The following CDR2L variants were observed in gnomAD, a reference collection of about 807,000 sequenced individuals.
CDR2L encodes cerebellar degeneration related protein 2 like.
A neutral mutation model predicts 36.1 loss-of-function variants in CDR2L; 19 were observed. The observed-to-expected ratio is 0.53, with a 90% confidence interval of 0.37 to 0.77. The LOEUF is 0.77. Among genes scored for constraint, CDR2L ranks in the 30% least tolerant of loss-of-function variants. The pLI is 0.00. For synonymous variants in CDR2L, 285 were observed against 280.4 expected (o/e 1.02, Z -0.16); for missense variants, 575 against 627.2 (o/e 0.92, Z 0.89).
chr17:75,003,200 G>A lies in CDR2L; in HGVS notation c.524G>A (p.Arg175His), dbSNP rs763657686. The change falls in exon 5 of 5, where the codon CGC becomes CAC. Residue 175 changes from arginine to histidine, a missense_variant. Coordinates refer to ENST00000337231, the MANE Select transcript of CDR2L (RefSeq NM_014603.3). ...CCCGCCAGGTGCAAGGATGCTTTCC[G>A]CCTACACAGTTCCTCCCTGGAGCTG... Reference protein sequence around the residue: ...CTSPRCKDAFRLHSSSLELGP... With the variant: ...CTSPRCKDAFHLHSSSLELGP... 1.8e-5 allele frequency: 28 copies of A among 1,564,496 alleles called. No individual in the cohort carries two copies. The highest frequency in any genetic ancestry group is 2.4e-5 in the East Asian group (1 of 41,804).
chr17:74,998,048 G>A (rs891994909), intron 1 of CDR2L, among the ~76,000 whole-genome samples: 3 of 151,864 alleles, frequency 2.0e-5, no homozygotes, highest in East Asian at 1.9e-4. Context: ...GTGAAACCCC[G>A]TCTCTACTAA....
rs2039822897 is a variant in CDR2L at position 74,995,988 on chromosome 17, A to AATCTTTTT, written c.80-3515_80-3508dup. On this transcript the variant is annotated intron_variant, in intron 1 of 4. Transcript: ENST00000337231. Reference sequence around the variant, plus strand: ...CTCCGTCTCTGGATTAAGCTGCCTAAATCTTTTTTTTTTTTGACAGATTTA... The same window carrying AATCTTTTT: ...CTCCGTCTCTGGATTAAGCTGCCTAAATCTTTTTATCTTTTTTTTTTTTGACAGATTTA... Among the ~76,000 whole-genome samples, 5 of 151,518 alleles carry AATCTTTTT rather than the reference A, an allele frequency of 3.3e-5. 1 individual carries two copies. The highest frequency in any genetic ancestry group is 1.2e-4 in the African/African-American group (5 of 40,864).
In CDR2L at chr17:75,003,758, A is replaced by G; in HGVS notation, c.1082A>G (p.His361Arg). 1 of 1,501,516 alleles carries G rather than the reference A, an allele frequency of 6.7e-7. No individual in the cohort carries two copies. Among genetic ancestry groups the G allele is most frequent in the Non-Finnish European group, 8.9e-7 (1 of 1,122,334 alleles). 93.0% of individuals were successfully genotyped at this position (1,501,516 alleles called of 1,614,324 possible). Reference protein sequence around the residue: ...SILREVDEQYHALLEKYEELL... With the variant: ...SILREVDEQYRALLEKYEELL... ...CTGCGGGAGGTGGACGAGCAGTACC[A>G]CGCGCTGCTGGAGAAGTACGAGGAG... The change falls in exon 5 of 5, where the codon CAC becomes CGC. Residue 361 changes from histidine to arginine, a missense_variant. Physicochemically the swap from His to Arg is conservative, Grantham distance 29 (BLOSUM62 0). Coordinates refer to ENST00000337231, the MANE Select transcript of CDR2L (RefSeq NM_014603.3).
Position 75,003,886 on chromosome 17 carries a change from G to T in CDR2L, c.1210G>T (p.Gly404Cys). ...CAGCTCGTGGAGGGACCTGCGCGGG[G>T]GTGAGGAGGGCCAGGGTGAGGTCAA... The part of the protein sequence containing the change: ...RDSSWRDLRG[G>C]EEGQGEVKAG... Residue 404 changes from glycine to cysteine, a missense_variant, in exon 5 of 5, where the codon GGT (glycine) becomes TGT (cysteine). Coordinates refer to ENST00000337231, the MANE Select transcript of CDR2L (RefSeq NM_014603.3). The T allele has an allele frequency of 1.2e-6, 2 of 1,605,236 alleles. No individual in the cohort carries two copies. Among genetic ancestry groups the T allele is most frequent in the East Asian group, 2.2e-5 (1 of 44,478 alleles).
At chr17:74,996,456 A>AAG (rs2039826456) in intron 1 of CDR2L, among the ~76,000 whole-genome samples, 1 of 151,146 alleles carries the variant, frequency 6.6e-6, no homozygotes, top group African/African-American at 2.4e-5. Flanking sequence ...AAAAAAAAAA[A>AAG]AAAGAAACAA....
chr17:74,992,493 G>C (rs1158509440), intron 1 of CDR2L, among the ~76,000 whole-genome samples: 1 of 151,752 alleles, frequency 6.6e-6, no homozygotes, highest in African/African-American at 2.4e-5. Flanking sequence ...TGTCTAGCCA[G>C]CTCCCCCATT....
At chr17:74,994,741 G>A (rs2039815113) in intron 1 of CDR2L, among the ~76,000 whole-genome samples, 1 of 151,792 alleles carries the variant, frequency 6.6e-6, no homozygotes, top group African/African-American at 2.4e-5. Context: ...TAGTAGCTGC[G>A]ACCACAGACA....
At chr17:74,993,166 A>G (rs1378955483) in intron 1 of CDR2L, among the ~76,000 whole-genome samples, 5 of 152,200 alleles carry the variant, frequency 3.3e-5, no homozygotes, top group East Asian at 1.9e-4. Flanking sequence ...GAGTCCCACT[A>G]TGGAAAACAG....
At chr17:74,992,054 C>G (rs1189817412) in intron 1 of CDR2L, among the ~76,000 whole-genome samples, 2 of 152,178 alleles carry the variant, frequency 1.3e-5, no homozygotes, top group Non-Finnish European at 2.9e-5. Flanking sequence ...GAGAACAGGA[C>G]CTCACAGCCC....
chr17:75,004,185 C>G lies in CDR2L; in HGVS notation c.*111C>G, dbSNP rs939245460. ...CCTTTAGCGGCCTGCCACCACAGCACGCGGCCTCCTGATCCGGAAGCACGC... is the reference window on the plus strand; with the variant it reads ...CCTTTAGCGGCCTGCCACCACAGCAGGCGGCCTCCTGATCCGGAAGCACGC... On this transcript the variant is annotated 3_prime_UTR_variant, in exon 5 of 5. Transcript: ENST00000337231. The G allele has an allele frequency of 1.1e-5, 10 of 917,566 alleles. No homozygotes were observed. The highest frequency in any genetic ancestry group is 2.3e-4 in the Middle Eastern group (1 of 4,418). The allele number at this position is 917,566 out of a possible 1,614,324, so 56.8% of individuals were successfully genotyped here.
Position 75,003,333 on chromosome 17 carries a change from G to T in CDR2L, c.657G>T (p.Glu219Asp). The T allele has an allele frequency of 6.4e-7, 1 of 1,555,548 alleles. No individual in the cohort carries two copies. The highest frequency in any genetic ancestry group is 2.4e-5 in the East Asian group (1 of 41,246). The part of the protein sequence containing the change: ...ERQRKERAER[E>D]YTAVLQEYSE... Reference sequence around the variant, plus strand: ...AGCGCAAGGAGCGGGCGGAGCGCGAGTACACCGCGGTGCTGCAGGAGTACT... The same window carrying T: ...AGCGCAAGGAGCGGGCGGAGCGCGATTACACCGCGGTGCTGCAGGAGTACT... The change falls in exon 5 of 5, where the codon GAG becomes GAT. Residue 219 changes from glutamate (E) to aspartate (D), a missense_variant. By Grantham distance (45) the Glu-to-Asp change is conservative. Coordinates refer to ENST00000337231, the MANE Select transcript of CDR2L (RefSeq NM_014603.3).
intron 2 of CDR2L, among the ~76,000 whole-genome samples, chr17:75,001,124 C>T (rs1598657141): frequency 6.6e-6 from 1 of 151,722 alleles, no homozygotes; most frequent in African/African-American, 2.4e-5. Flanking sequence ...GTTCCAGCTA[C>T]TCAGGAGGCT....
In CDR2L at chr17:75,003,304, C is replaced by T. The variant is rs774220763; in HGVS notation, c.628C>T (p.Arg210Trp). ...GALRSQVSQE[R>W]QRKERAEREY... ...GCTGCGCTCCCAGGTGAGCCAGGAG[C>T]GGCAGCGCAAGGAGCGGGCGGAGCG... Residue 210 changes from arginine to tryptophan, a missense_variant, in exon 5 of 5, where the codon CGG (arginine) becomes TGG (tryptophan). Arg to Trp is a moderately radical substitution (Grantham distance 101). Coordinates refer to ENST00000337231, the MANE Select transcript of CDR2L (RefSeq NM_014603.3). 4 of 1,555,736 alleles carry T rather than the reference C, an allele frequency of 2.6e-6. No individual in the cohort carries two copies. The highest frequency in any genetic ancestry group is 3.5e-6 in the Non-Finnish European group (4 of 1,150,710).
chr17:75,002,105 A>T lies in CDR2L; in HGVS notation c.383A>T (p.Glu128Val). The part of the protein sequence containing the change: ...TIERLQAQVE[E>V]LQAQVEQLRG... ...GAGCGCCTCCAGGCTCAGGTGGAGG[A>T]GCTGCAGGCCCAGGTGGAGCAACTG... The change falls in exon 4 of 5, where the codon GAG becomes GTG. Residue 128 changes from glutamate (E) to valine (V), a missense_variant. Physicochemically the swap from Glu to Val is moderately radical, Grantham distance 121. Coordinates refer to ENST00000337231, the MANE Select transcript of CDR2L (RefSeq NM_014603.3). The surrounding 1 kb of genome is among the most constrained non-coding windows in gnomAD (Gnocchi z 4.1). 1 of 1,601,034 alleles carries T rather than the reference A, an allele frequency of 6.2e-7. No individual in the cohort carries two copies. The highest frequency in any genetic ancestry group is 8.5e-7 in the Non-Finnish European group (1 of 1,174,916).
At position 75,003,331 on chromosome 17, in the gene CDR2L, G is replaced by T; in HGVS notation, c.655G>T (p.Glu219Ter). The part of the protein sequence containing the change: ...ERQRKERAER[E>*]YTAVLQEYSE... ...GCAGCGCAAGGAGCGGGCGGAGCGCGAGTACACCGCGGTGCTGCAGGAGTA... is the reference window on the plus strand; with the variant it reads ...GCAGCGCAAGGAGCGGGCGGAGCGCTAGTACACCGCGGTGCTGCAGGAGTA... The change falls in exon 5 of 5, where the codon GAG (glutamate) becomes TAG (stop). Residue 219 changes from glutamate to a stop codon, truncating the protein, a stop_gained. Transcript: ENST00000337231. LOFTEE classifies it high-confidence loss of function. 6.4e-7 allele frequency: 1 copy of T among 1,555,650 alleles called. No homozygotes were observed. The highest frequency in any genetic ancestry group is 8.7e-7 in the Non-Finnish European group (1 of 1,150,452).
chr17:75,001,060 C>T (rs1425192316), intron 2 of CDR2L, among the ~76,000 whole-genome samples: 1 of 151,618 alleles, frequency 6.6e-6, no homozygotes, highest in Non-Finnish European at 1.5e-5. Flanking sequence ...ATAGTGAAAC[C>T]CTGTCTCTAC....
At chr17:75,001,282 G>A (rs2039864948) in intron 2 of CDR2L, 59 bp from the exon 3 acceptor site, 1 of 1,509,202 alleles carries the variant, frequency 6.6e-7, no homozygotes, top group Non-Finnish European at 8.9e-7. Flanking sequence ...GAGGGTCTAG[G>A]CAGAGACATT....
intron 1 of CDR2L, among the ~76,000 whole-genome samples, chr17:74,997,867 C>T (rs566966444): frequency 1.4e-3 from 208 of 146,228 alleles, no homozygotes; most frequent in African/African-American, 5.1e-3. Context: ...AAAAATTAGC[C>T]GGGCGTGGTA....
intron 4 of CDR2L, 51 bp from the exon 5 acceptor site, chr17:75,003,132 C>A: frequency 6.5e-7 from 1 of 1,538,880 alleles, no homozygotes; most frequent in South Asian, 1.2e-5. Flanking sequence ...TGCCCGTGAC[C>A]ACTGCCCTCT....
Sources: gnomAD v4.1 joint callset for allele counts (sites outside exome capture counted in the v4.1 genomes callset) on GRCh38, gnomAD v4.1.1 for gene constraint, Gnocchi (gnomAD v3.1) non-coding constraint, MANE v1.5 for transcripts, NCBI Gene and HGNC (gene_info 2026-07-23, HGNC 2026-07-21) for gene names.